ERC1: variants seen among roughly 807,000 people sequenced by gnomAD.
The protein encoded by ERC1 is RAB6 interacting protein 2.
Under a neutral mutation model 132.0 loss-of-function variants are expected in ERC1, and 56 were observed. The observed-to-expected ratio is 0.42, with a 90% CI of 0.34 to 0.53. The LOEUF (loss-of-function observed/expected upper bound fraction) is 0.53, where lower values mean the gene tolerates loss of function less well. Ranked by LOEUF, ERC1 falls within the 20% of genes least tolerant of loss-of-function variation. ERC1 has a pLI of 0.03. For missense variants in ERC1, 1,202 were observed against 1,349.9 expected (o/e 0.89, Z 1.72); for synonymous variants, 478 against 476.1 (o/e 1.00, Z -0.05).
intron 14 of ERC1, among the ~76,000 whole-genome samples, chr12:1,284,462 G>T (rs1275218001): frequency 1.3e-5 from 2 of 152,020 alleles, no homozygotes; most frequent in Non-Finnish European, 2.9e-5. Flanking sequence ...CCTAGTAGTG[G>T]GATTGCTGGA....
intron 16 of ERC1, among the ~76,000 whole-genome samples, chr12:1,382,798 TTGC>T (rs1346556237): frequency 2.6e-5 from 4 of 152,190 alleles, no homozygotes; most frequent in African/African-American, 9.7e-5. Context: ...CTATAGAAAT[TTGC>T]TTTTTTTATG....
chr12:1,184,371 A>G (rs1046515706), intron 11 of ERC1, among the ~76,000 whole-genome samples: 1 of 152,068 alleles, frequency 6.6e-6, no homozygotes, highest in Non-Finnish European at 1.5e-5. Context: ...TGGGCCTAGA[A>G]TTTTATTATC....
Position 1,090,845 on chromosome 12 carries a change from ATTG to A in ERC1, c.1086+7286_1086+7288del, listed in dbSNP as rs1197014188. ...CTATGCCTGGCCCATTATTATTATT[ATTG>A]TTGTTGTTGTTGTTGTTGTTATTAT... On this transcript the variant is annotated intron_variant, in intron 3 of 18. Transcript: ENST00000360905. 1.3e-3 allele frequency among the ~76,000 whole-genome samples: 12 copies of A among 9,166 alleles called. 5 individuals carry two copies. Among genetic ancestry groups the A allele is most frequent in the African/African-American group, 1.8e-3 (12 of 6,624 alleles). 6.0% of individuals were successfully genotyped at this position (9,166 alleles called of 152,430 possible). A position where few individuals can be genotyped will look rare whatever the true frequency, so the allele number is the denominator to read the frequency against.
At chr12:1,060,653 A>G (rs1054743311) in intron 2 of ERC1, among the ~76,000 whole-genome samples, 9 of 152,160 alleles carry the variant, frequency 5.9e-5, no homozygotes, top group African/African-American at 1.2e-4. Flanking sequence ...TCACTATCAC[A>G]AGAATAGCAT....
chr12:1,142,874 C>G (rs1044204855), intron 8 of ERC1, among the ~76,000 whole-genome samples: 60 of 151,946 alleles, frequency 3.9e-4, no homozygotes, highest in African/African-American at 1.4e-3. Flanking sequence ...TTCTTTTGTC[C>G]GATGTGAGTT....
At chr12:1,239,465 T>C (rs968581373) in intron 13 of ERC1, among the ~76,000 whole-genome samples, 2 of 152,230 alleles carry the variant, frequency 1.3e-5, no homozygotes, top group African/African-American at 4.8e-5. Flanking sequence ...TCGTGGCTTA[T>C]GCTAATCCTA....
intron 8 of ERC1, among the ~76,000 whole-genome samples, chr12:1,168,997 A>G (rs1952757452): frequency 1.3e-5 from 2 of 152,162 alleles, no homozygotes; most frequent in African/African-American, 4.8e-5. Flanking sequence ...ACCTTTCACC[A>G]TGACATGGTG....
chr12:1,452,951 A>G (rs572787009), intron 18 of ERC1, among the ~76,000 whole-genome samples: 76 of 152,246 alleles, frequency 5.0e-4, no homozygotes, highest in African/African-American at 1.6e-3. Flanking sequence ...TGCCACTTTC[A>G]TACGTTTAAT....
At chr12:1,345,434 C>T (rs537334745) in intron 15 of ERC1, among the ~76,000 whole-genome samples, 41 of 152,090 alleles carry the variant, frequency 2.7e-4, no homozygotes, top group Non-Finnish European at 5.1e-4. Context: ...CTGCCCGCCT[C>T]GGCCTCCCAA....
chr12:1,480,117 C>A (rs922709467), intron 18 of ERC1, among the ~76,000 whole-genome samples: 11 of 142,656 alleles, frequency 7.7e-5, no homozygotes, highest in Non-Finnish European at 1.5e-5. Context: ...TAAATAAAAT[C>A]TTGCAGTGCC....
intron 2 of ERC1, among the ~76,000 whole-genome samples, chr12:1,047,962 T>C (rs899700690): frequency 6.6e-6 from 1 of 152,194 alleles, no homozygotes; most frequent in African/African-American, 2.4e-5. Context: ...GTGGTTAAGG[T>C]TGATTTTTGA....
chr12:1,054,956 A>AT (rs1565872763), intron 2 of ERC1, among the ~76,000 whole-genome samples: 1 of 152,158 alleles, frequency 6.6e-6, no homozygotes, highest in Non-Finnish European at 1.5e-5. Flanking sequence ...CAAGAATGGA[A>AT]TTATTCTTAA....
chr12:1,181,181 T>A (rs1954417003), intron 9 of ERC1, among the ~76,000 whole-genome samples: 1 of 152,342 alleles, frequency 6.6e-6, no homozygotes, highest in South Asian at 2.1e-4. Context: ...CTCTTTTCTT[T>A]ACCTTCCTTT....
At chr12:1,333,519 G>A (rs954120881) in intron 15 of ERC1, among the ~76,000 whole-genome samples, 6 of 151,878 alleles carry the variant, frequency 4.0e-5, no homozygotes, top group Admixed American at 3.9e-4. Flanking sequence ...TTTTAGTAGA[G>A]ACGGGGTTTC....
chr12:1,054,802 A>G (rs546154946), intron 2 of ERC1, among the ~76,000 whole-genome samples: 1 of 152,144 alleles, frequency 6.6e-6, no homozygotes. Flanking sequence ...GATTTTTTTC[A>G]AAAGGGGGCA....
At chr12:1,168,479 C>CTTTTTTTT (rs746267742) in intron 8 of ERC1, among the ~76,000 whole-genome samples, 1 of 91,986 alleles carries the variant, frequency 1.1e-5, no homozygotes, top group African/African-American at 4.2e-5. Context: ...AGTGACTGGT[C>CTTTTTTTT]TTTTTTTTTT....
At chr12:1,197,833 G>A (rs972431423) in intron 12 of ERC1, among the ~76,000 whole-genome samples, 1 of 152,196 alleles carries the variant, frequency 6.6e-6, no homozygotes, top group African/African-American at 2.4e-5. Flanking sequence ...ACAGAGGCTG[G>A]TCATCCCAGT....
intron 12 of ERC1, among the ~76,000 whole-genome samples, chr12:1,231,338 A>C (rs1189238927): frequency 6.6e-6 from 1 of 152,136 alleles, no homozygotes; most frequent in African/African-American, 2.4e-5. Context: ...TATGCTATTG[A>C]TGTCACACTT....
In ERC1 at chr12:1,485,487, G is replaced by A. The variant is rs560816847; in HGVS notation, c.3214-4606G>A. ...TAAAGTGCTGGGATTACAGGCGTGAGCCACTGCATCTGGCCATATTTAATT... is the reference window on the plus strand; with the variant it reads ...TAAAGTGCTGGGATTACAGGCGTGAACCACTGCATCTGGCCATATTTAATT... On this transcript the variant is annotated intron_variant, in intron 18 of 18. Transcript: ENST00000360905. Among the ~76,000 whole-genome samples the A allele has an allele frequency of 3.8e-4, 58 of 152,302 alleles. 1 individual carries two copies. In the South Asian group the frequency reaches 3.9e-3, roughly 10 times the overall value.
Sources: allele counts gnomAD v4.1 joint callset (sites outside exome capture counted in the v4.1 genomes callset), GRCh38; gene constraint gnomAD v4.1.1; transcripts MANE v1.5; gene names NCBI Gene and HGNC (gene_info 2026-07-23, HGNC 2026-07-21).